LRRC7: variants seen among roughly 807,000 people sequenced by gnomAD.
The protein encoded by LRRC7 is leucine rich repeat containing 7, also known as leucine-rich repeat-containing protein 7.
A neutral mutation model predicts 175.7 loss-of-function variants in LRRC7; 23 were observed. That is an observed-to-expected ratio of 0.13 (90% CI 0.09 to 0.19). LRRC7 has a LOEUF of 0.19. Among genes scored for constraint, LRRC7 ranks in the 10% least tolerant of loss-of-function variants. LRRC7 has a pLI of 1.00. For synonymous variants in LRRC7, 685 were observed against 680.9 expected (o/e 1.01, Z -0.09); for missense variants, 1,354 against 1,904.7 (o/e 0.71, Z 5.38).
At chr1:69,828,170 T>C in intron 5 of LRRC7, among the ~76,000 whole-genome samples, 1 of 152,204 alleles carries the variant, frequency 6.6e-6, no homozygotes. Context: ...TGTTTATCTG[T>C]ACCTCAGTTG....
intron 1 of LRRC7, among the ~76,000 whole-genome samples, chr1:69,618,468 C>G (rs987840021): frequency 7.9e-5 from 12 of 152,110 alleles, no homozygotes; most frequent in African/African-American, 2.4e-4. Context: ...CTACATGAGG[C>G]CATCAGACAT....
intron 1 of LRRC7, among the ~76,000 whole-genome samples, chr1:69,645,932 C>T (rs917203559): frequency 6.6e-6 from 1 of 151,946 alleles, no homozygotes; most frequent in African/African-American, 2.4e-5. Context: ...TTCCAGATTG[C>T]AAATTCCTCA....
At chr1:69,962,690 C>T (rs549678959) in intron 8 of LRRC7, among the ~76,000 whole-genome samples, 1 of 152,184 alleles carries the variant, frequency 6.6e-6, no homozygotes, top group African/African-American at 2.4e-5. Flanking sequence ...ATGGATGGAG[C>T]TGGAGGCCAT....
At chr1:69,920,246 C>CGTGGGCCCAGCT (rs1553174828) in intron 7 of LRRC7, 1 of 152,778 alleles carries the variant, frequency 6.5e-6, no homozygotes, top group African/African-American at 2.4e-5. Flanking sequence ...AGCAAACACT[C>CGTGGGCCCAGCT]GTGGGCCCAG....
At chr1:69,828,288 C>G (rs1260436875) in intron 5 of LRRC7, among the ~76,000 whole-genome samples, 1 of 152,008 alleles carries the variant, frequency 6.6e-6, no homozygotes, top group African/African-American at 2.4e-5. Flanking sequence ...TGAGTGAACC[C>G]CTAGGAGTAG....
intron 11 of LRRC7, among the ~76,000 whole-genome samples, chr1:69,996,999 AT>A (rs1297886631): frequency 6.6e-6 from 1 of 152,018 alleles, no homozygotes; most frequent in African/African-American, 2.4e-5. Context: ...CAATATGGCC[AT>A]TTTCATGATA....
chr1:70,049,762 A>G (rs541149173), intron 22 of LRRC7, among the ~76,000 whole-genome samples: 9 of 152,068 alleles, frequency 5.9e-5, no homozygotes, highest in Non-Finnish European at 1.0e-4. Context: ...TACCTTTGTA[A>G]TACCTATTTT....
intron 2 of LRRC7, among the ~76,000 whole-genome samples, chr1:69,736,594 A>G (rs1417904582): frequency 1.3e-5 from 2 of 152,126 alleles, no homozygotes; most frequent in Non-Finnish European, 2.9e-5. Context: ...TTACTGGGAA[A>G]GTTACAGAAA....
intron 1 of LRRC7, among the ~76,000 whole-genome samples, chr1:69,631,353 C>G (rs1404060598): frequency 6.6e-6 from 1 of 152,106 alleles, no homozygotes; most frequent in African/African-American, 2.4e-5. Flanking sequence ...GACTACTACT[C>G]AGTCTTTACA....
chr1:69,781,938 A>AAAAGAAAGAAAGAAAGAG (rs1553155347), intron 3 of LRRC7, among the ~76,000 whole-genome samples: 9 of 123,028 alleles, frequency 7.3e-5, no homozygotes, highest in African/African-American at 1.4e-4. Flanking sequence ...GAAAGAAAGA[A>AAAAGAAAGAAAGAAAGAG]AGAGAAAAGA....
At chr1:69,640,917 T>C (rs954502638) in intron 1 of LRRC7, among the ~76,000 whole-genome samples, 2 of 151,648 alleles carry the variant, frequency 1.3e-5, no homozygotes, top group African/African-American at 4.8e-5. Context: ...ATAAACACAA[T>C]TAAGATATTT....
intron 7 of LRRC7, among the ~76,000 whole-genome samples, chr1:69,927,121 T>A (rs550251998): frequency 6.6e-6 from 1 of 152,356 alleles, no homozygotes; most frequent in South Asian, 2.1e-4. Flanking sequence ...CCTTTAAGAA[T>A]GTTGAATATT....
At position 69,868,255 on chromosome 1, in the gene LRRC7, T is replaced by A. The variant is rs1361011344; in HGVS notation, c.647+29972T>A. On this transcript the variant is annotated intron_variant, in intron 7 of 26. Coordinates refer to ENST00000651989, the MANE Select transcript of LRRC7 (RefSeq NM_001370785.2). The stretch of plus-strand genomic sequence containing the variant: ...TAAAATTTCTATTATTTAAATAAAA[T>A]GGGCCTTAAAAAGATGGAAGGAAAA... Among the ~76,000 whole-genome samples, 3 of 152,126 alleles carry A rather than the reference T, an allele frequency of 2.0e-5. No homozygotes were observed. The East Asian group carries it at 5.8e-4, about 29-fold the overall frequency.
At chr1:69,784,541 TCC>T (rs1674177248) in intron 3 of LRRC7, among the ~76,000 whole-genome samples, 1 of 152,222 alleles carries the variant, frequency 6.6e-6, no homozygotes, top group African/African-American at 2.4e-5. Context: ...AGTTCCTGTG[TCC>T]TCCTTGTTCC....
chr1:70,098,895 C>T (rs1029495374), intron 25 of LRRC7, among the ~76,000 whole-genome samples: 3 of 151,958 alleles, frequency 2.0e-5, no homozygotes, highest in Non-Finnish European at 2.9e-5. Context: ...CAGAGGTACA[C>T]GGAGGAACTG....
intron 7 of LRRC7, among the ~76,000 whole-genome samples, chr1:69,861,952 G>T (rs954617475): frequency 1.3e-5 from 2 of 152,096 alleles, no homozygotes; most frequent in Non-Finnish European, 2.9e-5. Context: ...AGAAAAACAG[G>T]GTAAGTTTAT....
At chr1:70,052,019 ACT>A (rs1388102585) in intron 22 of LRRC7, among the ~76,000 whole-genome samples, 1 of 151,892 alleles carries the variant, frequency 6.6e-6, no homozygotes, top group African/African-American at 2.4e-5. Flanking sequence ...ATAGCTGCAC[ACT>A]CTCTAGCTGG....
chr1:69,582,462 A>G (rs540828462), intron 1 of LRRC7, among the ~76,000 whole-genome samples: 2 of 152,294 alleles, frequency 1.3e-5, no homozygotes, highest in South Asian at 2.1e-4. Flanking sequence ...GACAGGAGCA[A>G]GAGGCCAAAC....
intron 4 of LRRC7, among the ~76,000 whole-genome samples, chr1:69,823,365 T>A (rs1679521933): frequency 6.6e-6 from 1 of 152,214 alleles, no homozygotes; most frequent in Admixed American, 6.5e-5. Flanking sequence ...CTTCTTCACA[T>A]TTATCTTTTG....
Sources: gnomAD v4.1 joint callset for allele counts (sites outside exome capture counted in the v4.1 genomes callset) on GRCh38, gnomAD v4.1.1 for gene constraint, MANE v1.5 for transcripts, NCBI Gene and HGNC (gene_info 2026-07-23, HGNC 2026-07-21) for gene names.